Variants in CDH4 observed in about 807,000 individuals in gnomAD.
The protein encoded by CDH4 is cadherin 4, also known as cadherin-4.
In CDH4, 33 loss-of-function variants were observed where a neutral mutation model predicts 86.0. That is an observed-to-expected ratio of 0.38 (90% confidence interval 0.29 to 0.51). The LOEUF is 0.51. CDH4 is among the 20% of genes least tolerant of loss of function. The probability of loss-of-function intolerance (pLI) is 0.86; values close to 1 mark genes in which losing one functional copy is unlikely to be tolerated. For missense variants in CDH4, 1,114 were observed against 1,307.4 expected (o/e 0.85, Z 2.28); for synonymous variants, 555 against 549.4 (o/e 1.01, Z -0.14).
At chr20:61,780,729 TAGAC>T in intron 4 of CDH4, among the ~76,000 whole-genome samples, 1 of 152,310 alleles carries the variant, frequency 6.6e-6, no homozygotes, top group South Asian at 2.1e-4. Context: ...AAATGGATAG[TAGAC>T]AGAATCTGTT....
chr20:61,531,797 T>C (rs2085956811), intron 2 of CDH4, among the ~76,000 whole-genome samples: 1 of 152,182 alleles, frequency 6.6e-6, no homozygotes, highest in Non-Finnish European at 1.5e-5. Flanking sequence ...GAGCGAGTGC[T>C]CTCAGAATGC....
At position 61,565,100 on chromosome 20, in the gene CDH4, GCTCTT is replaced by G. The variant is rs1568688060; in HGVS notation, c.170-178462_170-178458del. 3.1e-4 allele frequency among the ~76,000 whole-genome samples: 36 copies of G among 116,978 alleles called. 2 individuals carry two copies. In the East Asian group the frequency reaches 6.5e-3, roughly 21 times the overall value. 76.7% of individuals were successfully genotyped at this position (116,978 alleles called of 152,430 possible). The stretch of plus-strand genomic sequence containing the variant: ...TGGTGGTGGTGGTGCTCTTGGTGGT[GCTCTT>G]GGTGGTGCTGGTGCTCTTGGTGGTG... On this transcript the variant is annotated intron_variant, in intron 2 of 15. Transcript: ENST00000614565.
chr20:61,319,699 A>C (rs2084497557), intron 2 of CDH4, among the ~76,000 whole-genome samples: 1 of 152,218 alleles, frequency 6.6e-6, no homozygotes, highest in Admixed American at 6.5e-5. Flanking sequence ...TAATCCCAGC[A>C]CTTTGGGAGG....
rs536467461 is a variant in CDH4, at chr20:61,285,853, C to T, written c.169+30916C>T. Reference sequence around the variant, plus strand: ...CCCACGTGGTTCTGGTGATGTTGCCCGGCTCACCTGGCCAGGGGGCTGGGG... The same window carrying T: ...CCCACGTGGTTCTGGTGATGTTGCCTGGCTCACCTGGCCAGGGGGCTGGGG... On this transcript the variant is annotated intron_variant, in intron 2 of 15. Coordinates refer to ENST00000614565, the MANE Select transcript of CDH4 (RefSeq NM_001794.5). Among the ~76,000 whole-genome samples the T allele has an allele frequency of 1.7e-4, 26 of 152,350 alleles. No individual in the cohort carries two copies. In the South Asian group the frequency reaches 2.1e-3, roughly 12 times the overall value.
chr20:61,885,724 C>T (rs1984511806), intron 7 of CDH4, among the ~76,000 whole-genome samples: 1 of 152,216 alleles, frequency 6.6e-6, no homozygotes, highest in Non-Finnish European at 1.5e-5. Context: ...GTGGTGCCTG[C>T]ACTCCCTCCT....
chr20:61,825,342 T>C (rs941689545), intron 4 of CDH4, among the ~76,000 whole-genome samples: 1 of 152,054 alleles, frequency 6.6e-6, no homozygotes, highest in Non-Finnish European at 1.5e-5. Context: ...CTGGGAGGTG[T>C]AGCAAGCTAA....
At chr20:61,677,053 G>T in intron 2 of CDH4, among the ~76,000 whole-genome samples, 1 of 152,192 alleles carries the variant, frequency 6.6e-6, no homozygotes, top group East Asian at 1.9e-4. Context: ...TAGGTCCTTC[G>T]TAGGGCCTTG....
intron 2 of CDH4, among the ~76,000 whole-genome samples, chr20:61,697,372 G>C (rs1005482096): frequency 1.3e-5 from 2 of 152,132 alleles, no homozygotes; most frequent in Admixed American, 1.3e-4. Context: ...GGCTGAGGCG[G>C]GTGGATCACA....
At chr20:61,704,684 T>C (rs1600893579) in intron 2 of CDH4, among the ~76,000 whole-genome samples, 2 of 152,130 alleles carry the variant, frequency 1.3e-5, no homozygotes, top group East Asian at 3.9e-4. Flanking sequence ...TTTTTTAAAA[T>C]ATGGAATTTG....
At chr20:61,763,446 A>C (rs1271895977) in intron 3 of CDH4, among the ~76,000 whole-genome samples, 1 of 152,128 alleles carries the variant, frequency 6.6e-6, no homozygotes, top group Non-Finnish European at 1.5e-5. Context: ...AGGCATTTTC[A>C]CGCAATGGCT....
At chr20:61,850,753 ATGGTGAGGTCACC>A in intron 5 of CDH4, among the ~76,000 whole-genome samples, 1 of 152,370 alleles carries the variant, frequency 6.6e-6, no homozygotes, top group South Asian at 2.1e-4. Flanking sequence ...CTCCACCGTC[ATGGTGAGGTCACC>A]TCTCTCAGGC....
chr20:61,920,968 A>C (rs899889710), intron 9 of CDH4, among the ~76,000 whole-genome samples: 2 of 136,602 alleles, frequency 1.5e-5, no homozygotes, highest in Admixed American at 1.5e-4. Context: ...GAAGCATGTC[A>C]TGGTGATTGC....
Position 61,923,442 on chromosome 20 carries a change from T to G in CDH4, c.1375-9T>G, listed in dbSNP as rs983886862. 41 of 1,613,634 alleles carry G rather than the reference T, an allele frequency of 2.5e-5. No individual in the cohort carries two copies. Among genetic ancestry groups the G allele is most frequent in the Non-Finnish European group, 3.5e-5 (41 of 1,179,744 alleles). ...CCAGGTCACTCCCAGCCCTGATCTG[T>G]TGTTCCAGGCAGTCGACTACGAGCT... On this transcript the variant is annotated splice_polypyrimidine_tract_variant and intron_variant, in intron 9 of 15. Transcript: ENST00000614565.
chr20:61,495,392 T>TCCCCCCGCCGCCAG (rs2085653624), intron 2 of CDH4, among the ~76,000 whole-genome samples: 1 of 151,302 alleles, frequency 6.6e-6, no homozygotes, highest in African/African-American at 2.4e-5. Context: ...CTGGAACCCC[T>TCCCCCCGCCGCCAG]CCCCCCGCCG....
intron 7 of CDH4, among the ~76,000 whole-genome samples, chr20:61,882,868 G>A (rs1020384121): frequency 4.0e-5 from 5 of 125,914 alleles, no homozygotes; most frequent in South Asian, 2.7e-4. Context: ...GGCCGGCCCC[G>A]CAGGTGCCTT....
At position 61,773,067 on chromosome 20, in the gene CDH4, C is replaced by T. The variant is rs370608791; in HGVS notation, c.461C>T (p.Pro154Leu). 7 of 1,613,762 alleles carry T rather than the reference C, an allele frequency of 4.3e-6. No homozygotes were observed. Among genetic ancestry groups the T allele is most frequent in the African/African-American group, 1.3e-5 (1 of 75,048 alleles). The change falls in exon 4 of 16, where the codon CCG becomes CTG. Residue 154 changes from proline to leucine, a missense_variant. By Grantham distance (98) the Pro-to-Leu change is moderately conservative (BLOSUM62 -3). Transcript: ENST00000614565. ...PSPPPKDTLLPWPQHQNANGL... is the reference protein window; with the variant it reads ...PSPPPKDTLLLWPQHQNANGL... ...CCGCCTCCGAAGGACACCCTGCTGC[C>T]GTGGCCCCAGCACCAGAACGCCAAC...
intron 4 of CDH4, among the ~76,000 whole-genome samples, chr20:61,777,931 C>T (rs1043063046): frequency 2.5e-4 from 37 of 150,126 alleles, no homozygotes; most frequent in African/African-American, 8.8e-4. Flanking sequence ...TGTGCATACA[C>T]GTGCATACTA....
At chr20:61,786,026 C>A (rs1009880686) in intron 4 of CDH4, among the ~76,000 whole-genome samples, 2 of 152,094 alleles carry the variant, frequency 1.3e-5, no homozygotes, top group African/African-American at 4.8e-5. Context: ...TGGAAATCTC[C>A]CCTCTGGTTC....
chr20:61,491,368 G>A (rs896945958), intron 2 of CDH4, among the ~76,000 whole-genome samples: 8 of 152,130 alleles, frequency 5.3e-5, no homozygotes, highest in South Asian at 2.1e-4. Context: ...CTCTAGCCCC[G>A]AGCATTTGCA....
Sources: allele counts gnomAD v4.1 joint callset (sites outside exome capture counted in the v4.1 genomes callset), GRCh38; gene constraint gnomAD v4.1.1; transcripts MANE v1.5; gene names NCBI Gene and HGNC (gene_info 2026-07-23, HGNC 2026-07-21).